ANKRD46: variants seen among roughly 807,000 people sequenced by gnomAD.
ANKRD46 encodes ankyrin repeat domain-containing protein 46.
In ANKRD46, 13 loss-of-function variants were observed where a neutral mutation model predicts 19.8. The observed-to-expected ratio is 0.66, with a 90% CI of 0.43 to 1.04. ANKRD46 has a LOEUF of 1.04. Among genes scored for constraint, ANKRD46 ranks in the 50% least tolerant of loss-of-function variants. The probability of loss-of-function intolerance (pLI) is 0.00; values close to 1 mark genes in which losing one functional copy is unlikely to be tolerated. For synonymous variants in ANKRD46, 91 were observed against 106.9 expected (o/e 0.85, Z 0.92); for missense variants, 185 against 274.8 (o/e 0.67, Z 2.31).
chr8:100,545,400 G>A lies in ANKRD46; in HGVS notation c.-130-12089C>T, dbSNP rs142794941. 1.8e-4 allele frequency among the ~76,000 whole-genome samples: 27 copies of A among 152,064 alleles called. No homozygotes were observed. The highest frequency in any genetic ancestry group is 1.5e-3 in the East Asian group (8 of 5,176). On this transcript the variant is annotated intron_variant, in intron 1 of 4. Transcript: ENST00000335659. The surrounding 1 kb of genome is among the most constrained non-coding windows in gnomAD (Gnocchi z 4.7). ...GGAGGGCTCATAAATAAGATCAGAC[G>A]GTTTTAAAATTGGTCGTTTCCCCTA...
chr8:100,558,247 T>C (rs1812539498), intron 1 of ANKRD46, among the ~76,000 whole-genome samples: 1 of 152,226 alleles, frequency 6.6e-6, no homozygotes, highest in Non-Finnish European at 1.5e-5. Flanking sequence ...ACACAATTTA[T>C]ATAACATGCC....
At chr8:100,528,124 GC>G in intron 3 of ANKRD46, 121 bp from the exon 4 acceptor site, 1 of 1,126,090 alleles carries the variant, frequency 8.9e-7, no homozygotes, top group Non-Finnish European at 1.2e-6. Context: ...GAAAGAATGG[GC>G]CCAATTAGGG....
At chr8:100,551,555 C>T (rs2844047) in intron 1 of ANKRD46, 266,698 of 770,342 alleles carry the variant, frequency 0.35, 47,935 homozygotes, top group Middle Eastern at 0.38. Context: ...GTGGAATTTG[C>T]CATGGGTAGA....
chr8:100,541,912 T>C (rs138322824), intron 1 of ANKRD46, among the ~76,000 whole-genome samples: 4 of 152,320 alleles, frequency 2.6e-5, no homozygotes, highest in African/African-American at 7.2e-5. Flanking sequence ...ACATGCTGTA[T>C]AGGGTTGTAG....
rs557215923 is a variant in ANKRD46 at position 100,552,085 on chromosome 8, G to A, written c.-131+7626C>T. On this transcript the variant is annotated intron_variant, in intron 1 of 4. Coordinates refer to ENST00000335659, the MANE Select transcript of ANKRD46 (RefSeq NM_001270377.2). ...GAATAGCTTGAACCTGGGAGGTGGA[G>A]GTTGCAGTGAGCCAAGATCGCGCCA... 7.4e-3 allele frequency among the ~76,000 whole-genome samples: 1,118 copies of A among 150,928 alleles called. 16 individuals carry two copies. The highest frequency in any genetic ancestry group is 0.025 in the African/African-American group (1,035 of 40,932).
chr8:100,551,274 C>A, intron 1 of ANKRD46: 1 of 494,908 alleles, frequency 2.0e-6, no homozygotes, highest in Non-Finnish European at 3.8e-6. Flanking sequence ...GAAGGCATTG[C>A]TGATGATCTT....
intron 5 of ANKRD46, among the ~76,000 whole-genome samples, chr8:100,514,422 C>T (rs1424560810): frequency 6.6e-6 from 1 of 151,744 alleles, no homozygotes; most frequent in African/African-American, 2.4e-5. Flanking sequence ...TGAAATTTCC[C>T]TAGGTCAGAG....
At chr8:100,512,237 A>G (rs1175009955) in intron 5 of ANKRD46, among the ~76,000 whole-genome samples, 3 of 152,162 alleles carry the variant, frequency 2.0e-5, no homozygotes, top group Non-Finnish European at 4.4e-5. Context: ...GGACCCTGCT[A>G]TTTATAGCAT....
At chr8:100,542,397 G>C (rs772314935) in intron 1 of ANKRD46, among the ~76,000 whole-genome samples, 2 of 152,122 alleles carry the variant, frequency 1.3e-5, no homozygotes, top group Admixed American at 6.5e-5. Flanking sequence ...CATGTTTGTA[G>C]AACAGACATG....
chr8:100,510,511 G>C lies in ANKRD46; in HGVS notation c.*66C>G. 6.9e-7 allele frequency: 1 copy of C among 1,448,146 alleles called. No homozygotes were observed. Among genetic ancestry groups the C allele is most frequent in the East Asian group, 2.5e-5 (1 of 40,094 alleles). The allele number at this position is 1,448,146 out of a possible 1,614,324, so 89.7% of individuals were successfully genotyped here. On this transcript the variant is annotated 3_prime_UTR_variant, in exon 6 of 6. Transcript: ENST00000520552. This position sits in a 1 kb window ranked among gnomAD's most constrained non-coding sequence, Gnocchi z 4.9. The stretch of plus-strand genomic sequence containing the variant: ...GGAAACAGCCCCACCCAACAGGGAC[G>C]CTGACGTCTGTATCCCTTCTTTCTT...
rs1353324816 is a variant in ANKRD46 at position 100,510,535 on chromosome 8, T to C, written c.*42A>G. ...CGCTGACGTCTGTATCCCTTCTTTC[T>C]TGCCTTCTGAGGCTCAGGAGCACAG... On this transcript the variant is annotated 3_prime_UTR_variant, in exon 6 of 6. Transcript: ENST00000520552. The surrounding 1 kb of genome is among the most constrained non-coding windows in gnomAD (Gnocchi z 4.9). 3 of 1,519,650 alleles carry C rather than the reference T, an allele frequency of 2.0e-6. No individual in the cohort carries two copies. Among genetic ancestry groups the C allele is most frequent in the Non-Finnish European group, 2.6e-6 (3 of 1,135,834 alleles). 94.1% of individuals were successfully genotyped at this position (1,519,650 alleles called of 1,614,324 possible).
intron 2 of ANKRD46, among the ~76,000 whole-genome samples, 182 bp downstream of exon 2, chr8:100,533,027 T>C (rs1022157864): frequency 4.6e-5 from 7 of 152,196 alleles, no homozygotes; most frequent in Non-Finnish European, 1.0e-4. Context: ...ATTTTTCAGG[T>C]GAGAACAAGT....
In ANKRD46 at chr8:100,524,272, T is replaced by G. The variant is rs1247571087; in HGVS notation, c.471-1501A>C. 1.3e-5 allele frequency among the ~76,000 whole-genome samples: 2 copies of G among 152,220 alleles called. No homozygotes were observed. Among genetic ancestry groups the G allele is most frequent in the Non-Finnish European group, 2.9e-5 (2 of 68,040 alleles). ...ATGATCATAGGAATCAACTATCTACTGGTTATCAAAGTTCATTACTATCCT... is the reference window on the plus strand; with the variant it reads ...ATGATCATAGGAATCAACTATCTACGGGTTATCAAAGTTCATTACTATCCT... On this transcript the variant is annotated intron_variant, in intron 4 of 4. Coordinates refer to ENST00000335659, the MANE Select transcript of ANKRD46 (RefSeq NM_001270377.2). The surrounding 1 kb of genome is among the most constrained non-coding windows in gnomAD (Gnocchi z 4.3).
At chr8:100,551,380 T>G in intron 1 of ANKRD46, 1 of 596,374 alleles carries the variant, frequency 1.7e-6, no homozygotes, top group Admixed American at 2.0e-5. Flanking sequence ...GCTCCCCCAT[T>G]AAGTGAGCCC....
At chr8:100,520,741 T>TAAAAAAAAAAAAAAAA, downstream of ANKRD46, 1 of 677,914 alleles carries the variant, frequency 1.5e-6, no homozygotes, top group Non-Finnish European at 1.8e-6. Flanking sequence ...TATAATACAC[T>TAAAAAAAAAAAAAAAA]AAAAAAAAAA....
Position 100,510,642 on chromosome 8 carries a change from G to A in ANKRD46, c.637-3C>T. On this transcript the variant is annotated splice_region_variant and splice_polypyrimidine_tract_variant and intron_variant, in intron 5 of 5. Transcript: ENST00000520552. The surrounding 1 kb of genome is among the most constrained non-coding windows in gnomAD (Gnocchi z 4.9). ...CTTCCAAGCCTCAGTGTCCTTCTCT[G>A]TAAATGTGGGGAAGACAGATTAAAA... 6.5e-7 allele frequency: 1 copy of A among 1,531,960 alleles called. No homozygotes were observed. The allele number at this position is 1,531,960 out of a possible 1,614,324, so 94.9% of individuals were successfully genotyped here.
rs1811718219 is a variant in ANKRD46 at position 100,521,225 on chromosome 8, A to C, written c.*1330T>G. 1 of 985,198 alleles carries C rather than the reference A, an allele frequency of 1.0e-6. No homozygotes were observed. The highest frequency in any genetic ancestry group is 1.7e-5 in the African/African-American group (1 of 57,200). 61.0% of individuals were successfully genotyped at this position (985,198 alleles called of 1,614,324 possible). A position where few individuals can be genotyped will look rare whatever the true frequency, so the allele number is the denominator to read the frequency against. On this transcript the variant is annotated 3_prime_UTR_variant, in exon 5 of 5. Coordinates refer to ENST00000335659, the MANE Select transcript of ANKRD46 (RefSeq NM_001270377.2). ...AAGCAAAAAGAATCACAGAAATACC[A>C]ATTCTATTCTAAAGCATAATTTCTA... is the stretch of plus-strand genomic sequence containing the variant.
chr8:100,525,418 C>A lies in ANKRD46; in HGVS notation c.470+2427G>T, dbSNP rs1178676465. 1.3e-5 allele frequency among the ~76,000 whole-genome samples: 2 copies of A among 152,218 alleles called. No homozygotes were observed. The highest frequency in any genetic ancestry group is 2.9e-5 in the Non-Finnish European group (2 of 68,040). On this transcript the variant is annotated intron_variant, in intron 4 of 4. Coordinates refer to ENST00000335659, the MANE Select transcript of ANKRD46 (RefSeq NM_001270377.2). The surrounding 1 kb of genome is among the most constrained non-coding windows in gnomAD (Gnocchi z 4.4). ...TTAGCAGTCACTCCCATTGCCCCTT[C>A]TCCCAGCTTCTAGTCTACTTTCTCA...
At chr8:100,522,921 ACT>A in intron 4 of ANKRD46, 150 bp from the exon 5 acceptor site, 1 of 628,380 alleles carries the variant, frequency 1.6e-6, no homozygotes, top group Non-Finnish European at 2.8e-6. Flanking sequence ...ATATATACAC[ACT>A]CTTACATGCT....
Sources: allele counts gnomAD v4.1 joint callset (sites outside exome capture counted in the v4.1 genomes callset), GRCh38; gene constraint gnomAD v4.1.1; non-coding constraint Gnocchi (gnomAD v3.1); transcripts MANE v1.5; gene names NCBI Gene and HGNC (gene_info 2026-07-23, HGNC 2026-07-21).